The following KIF26B variants were observed in gnomAD, a reference collection of about 807,000 sequenced individuals.
KIF26B encodes the protein kinesin-like protein KIF26B.
In KIF26B, 63 loss-of-function variants were observed where a neutral mutation model predicts 151.2. That is an observed-to-expected ratio of 0.42 (90% CI 0.34 to 0.51). KIF26B has a LOEUF of 0.51. KIF26B is among the 20% of genes least tolerant of loss of function. KIF26B has a pLI of 0.07. For synonymous variants in KIF26B, 1,357 were observed against 1,262.1 expected (o/e 1.08, Z -1.59); for missense variants, 2,813 against 2,913.6 (o/e 0.97, Z 0.79).
At chr1:245,521,669 C>T (rs998406292) in intron 4 of KIF26B, among the ~76,000 whole-genome samples, 1 of 152,106 alleles carries the variant, frequency 6.6e-6, no homozygotes, top group Admixed American at 6.5e-5. Context: ...TGATTTTGAG[C>T]CAGTTCTGAC....
intron 2 of KIF26B, among the ~76,000 whole-genome samples, chr1:245,197,498 T>TCA (rs1002646959): frequency 2.6e-5 from 4 of 152,094 alleles, no homozygotes; most frequent in African/African-American, 7.2e-5. Flanking sequence ...TTTACACACA[T>TCA]CACACACACA....
chr1:245,689,426 C>A (rs1257923686), intron 12 of KIF26B, among the ~76,000 whole-genome samples: 1 of 152,200 alleles, frequency 6.6e-6, no homozygotes, highest in Admixed American at 6.5e-5. Context: ...AATGGCGAGG[C>A]CCTTCCTCCA....
At chr1:245,695,427 G>A (rs7413150) in intron 12 of KIF26B, among the ~76,000 whole-genome samples, 96,554 of 152,046 alleles carry the variant, frequency 0.64, 32,466 homozygotes, top group Middle Eastern at 0.79. Context: ...GGAGACAGGC[G>A]CGGGGAGAGG....
At chr1:245,590,872 C>T (rs976303382) in intron 5 of KIF26B, among the ~76,000 whole-genome samples, 2 of 148,268 alleles carry the variant, frequency 1.3e-5, no homozygotes, top group African/African-American at 5.0e-5. Flanking sequence ...CACACCAGTG[C>T]ACTCCAGCCT....
At chr1:245,388,665 A>G (rs1673611081) in intron 3 of KIF26B, among the ~76,000 whole-genome samples, 1 of 122,214 alleles carries the variant, frequency 8.2e-6, no homozygotes, top group South Asian at 3.0e-4. Flanking sequence ...CTGTACCTTA[A>G]GGGGGAAAGG....
chr1:245,418,720 GA>G (rs1278057824), intron 3 of KIF26B, among the ~76,000 whole-genome samples: 2 of 152,134 alleles, frequency 1.3e-5, no homozygotes, highest in African/African-American at 4.8e-5. Context: ...CAAGTAGACT[GA>G]AGATTTCAAG....
At chr1:245,424,481 TG>T (rs1376668111) in intron 4 of KIF26B, among the ~76,000 whole-genome samples, 3 of 152,206 alleles carry the variant, frequency 2.0e-5, no homozygotes, top group Non-Finnish European at 4.4e-5. Flanking sequence ...TTTTGAAATA[TG>T]TACATATTGT....
intron 10 of KIF26B, among the ~76,000 whole-genome samples, chr1:245,677,890 G>C (rs1388556821): frequency 6.6e-6 from 1 of 152,210 alleles, no homozygotes; most frequent in Non-Finnish European, 1.5e-5. Context: ...AGACCCTTTG[G>C]GGCAGAATTG....
chr1:245,376,941 G>A (rs542946022), intron 3 of KIF26B, among the ~76,000 whole-genome samples: 4 of 152,268 alleles, frequency 2.6e-5, no homozygotes, highest in Admixed American at 2.6e-4. Flanking sequence ...GCCTGCCTCA[G>A]CCTCCCAAAG....
chr1:245,257,669 A>T (rs1305233812), intron 2 of KIF26B, among the ~76,000 whole-genome samples: 1 of 152,172 alleles, frequency 6.6e-6, no homozygotes, highest in African/African-American at 2.4e-5. Flanking sequence ...CCGTGTCTAG[A>T]AGCATCACAG....
chr1:245,529,215 C>T (rs1661308137), intron 4 of KIF26B, among the ~76,000 whole-genome samples: 1 of 152,106 alleles, frequency 6.6e-6, no homozygotes, highest in Admixed American at 6.5e-5. Flanking sequence ...GACTGTGGGG[C>T]AGCGGGGTAC....
intron 4 of KIF26B, among the ~76,000 whole-genome samples, chr1:245,435,216 A>G (rs1314487185): frequency 6.6e-6 from 1 of 152,088 alleles, no homozygotes; most frequent in African/African-American, 2.4e-5. Context: ...CTCATGCTGT[A>G]TGCCAGGTAT....
chr1:245,697,249 C>T (rs1371632856), intron 12 of KIF26B, among the ~76,000 whole-genome samples: 1 of 152,194 alleles, frequency 6.6e-6, no homozygotes, highest in African/African-American at 2.4e-5. Context: ...CTCATCAAAA[C>T]GTCAGTCCCC....
chr1:245,655,181 C>T (rs536622408), intron 10 of KIF26B, among the ~76,000 whole-genome samples: 8 of 152,350 alleles, frequency 5.3e-5, no homozygotes, highest in Non-Finnish European at 1.0e-4. Flanking sequence ...CACACTCAGA[C>T]GCTCTCCCTG....
rs1670282913 is a variant in KIF26B at position 245,244,733 on chromosome 1, A to AAGTCCCCAACAC, written c.465+88052_465+88053insTCCCCAACACAG. Among the ~76,000 whole-genome samples, 1 of 139,388 alleles carries AAGTCCCCAACAC rather than the reference A, an allele frequency of 7.2e-6. No homozygotes were observed. Among genetic ancestry groups the AAGTCCCCAACAC allele is most frequent in the Non-Finnish European group, 1.5e-5 (1 of 64,636 alleles). 91.4% of individuals were successfully genotyped at this position (139,388 alleles called of 152,430 possible). A position where few individuals can be genotyped will look rare whatever the true frequency, so the allele number is the denominator to read the frequency against. ...CAAACTATCTGAAAACGTTTGTGAG[A>AAGTCCCCAACAC]AGGAACACACAGACACGCACACTCA... On this transcript the variant is annotated intron_variant, in intron 2 of 14. Transcript: ENST00000407071. The surrounding 1 kb of genome is among the most constrained non-coding windows in gnomAD (Gnocchi z 4.2).
intron 4 of KIF26B, among the ~76,000 whole-genome samples, chr1:245,473,820 C>T (rs1485041671): frequency 6.6e-6 from 1 of 151,920 alleles, no homozygotes; most frequent in Non-Finnish European, 1.5e-5. Context: ...GAACAGGAAT[C>T]CCTGCAAAGG....
At chr1:245,500,734 CAGA>C (rs1017196446) in intron 4 of KIF26B, among the ~76,000 whole-genome samples, 49 of 152,352 alleles carry the variant, frequency 3.2e-4, no homozygotes, top group African/African-American at 1.1e-3. Context: ...ACAGCTGAAT[CAGA>C]GGAGGAATTC....
chr1:245,567,650 C>T (rs113242159), intron 5 of KIF26B, among the ~76,000 whole-genome samples: 2,562 of 152,334 alleles, frequency 0.017, 69 homozygotes, highest in African/African-American at 0.056. Flanking sequence ...GCTGCTCCCC[C>T]AGTGGCCCAC....
chr1:245,600,024 T>C (rs544975452), intron 5 of KIF26B, among the ~76,000 whole-genome samples: 2 of 151,390 alleles, frequency 1.3e-5, no homozygotes, highest in Non-Finnish European at 2.9e-5. Flanking sequence ...GGGCAAGGAG[T>C]TCTAAAACCT....
Sources: allele counts gnomAD v4.1 joint callset (sites outside exome capture counted in the v4.1 genomes callset), GRCh38; gene constraint gnomAD v4.1.1; non-coding constraint Gnocchi (gnomAD v3.1); transcripts MANE v1.5; gene names NCBI Gene and HGNC (gene_info 2026-07-23, HGNC 2026-07-21).